OR7E24: variants seen among roughly 807,000 people sequenced by gnomAD.
OR7E24 encodes olfactory receptor family 7 subfamily E member 24.
For synonymous variants in OR7E24, 130 were observed against 157.5 expected (o/e 0.83, Z 1.31); for missense variants, 385 against 410.3 (o/e 0.94, Z 0.53).
At chr19:9,249,538 A>T (rs2066139394), upstream of OR7E24, among the ~76,000 whole-genome samples, 1 of 152,212 alleles carries the variant, frequency 6.6e-6, no homozygotes, top group African/African-American at 2.4e-5. Context: ...TTTTACAGGC[A>T]TAAAAAAAGA....
At chr19:9,217,583 G>C in the OR7E24 span, among the ~76,000 whole-genome samples, 1 of 152,166 alleles carries the variant, frequency 6.6e-6, no homozygotes, top group Non-Finnish European at 1.5e-5. Context: ...CTGTTGCCCA[G>C]GCTGGAGTAT....
the OR7E24 span, chr19:9,207,659 GAGA>G: frequency 6.6e-6 from 1 of 152,330 alleles, no homozygotes; most frequent in South Asian, 2.1e-4. Context: ...GTAGCTAGGA[GAGA>G]AGATTTGTAT....
At chr19:9,223,279 C>T in the OR7E24 span, among the ~76,000 whole-genome samples, 4 of 152,228 alleles carry the variant, frequency 2.6e-5, no homozygotes, top group African/African-American at 9.6e-5. Context: ...CGAAGCAGCA[C>T]CAGCTCAATG....
rs1037911000 is a variant in OR7E24, at chr19:9,252,426, A to G, written c.*363A>G. The stretch of plus-strand genomic sequence containing the variant: ...TCCTGAAATAAGTTCATTTTGTTCA[A>G]TGTTGTTTAGTTTTAATTTTGGTGA... On this transcript the variant is annotated 3_prime_UTR_variant, in exon 1 of 1. Transcript: ENST00000456448. 6.0e-6 allele frequency: 1 copy of G among 166,040 alleles called. No homozygotes were observed. Among genetic ancestry groups the G allele is most frequent in the South Asian group, 1.7e-4 (1 of 5,912 alleles). The allele number at this position is 166,040 out of a possible 1,614,324, so 10.3% of individuals were successfully genotyped here.
At chr19:9,245,156 A>G (rs1237443206), upstream of OR7E24, among the ~76,000 whole-genome samples, 1 of 152,146 alleles carries the variant, frequency 6.6e-6, no homozygotes, top group Non-Finnish European at 1.5e-5. Context: ...TGAAGTTTGC[A>G]GTGAGCCAAG....
At chr19:9,232,989 G>A in the OR7E24 span, among the ~76,000 whole-genome samples, 109 of 151,992 alleles carry the variant, frequency 7.2e-4, 1 homozygote, top group African/African-American at 2.5e-3. Flanking sequence ...CTCACGCTCT[G>A]ACCCCCCTAA....
At chr19:9,235,439 C>T in the OR7E24 span, 1 of 1,606,442 alleles carries the variant, frequency 6.2e-7, no homozygotes, top group Non-Finnish European at 8.5e-7. Context: ...GGGTGCCTCA[C>T]TCAGGTGTAT....
At chr19:9,218,062 T>G in the OR7E24 span, among the ~76,000 whole-genome samples, 25 of 152,242 alleles carry the variant, frequency 1.6e-4, no homozygotes, top group African/African-American at 6.0e-4. Flanking sequence ...GGTCAACTTA[T>G]ATTTAGTTTT....
upstream of OR7E24, among the ~76,000 whole-genome samples, chr19:9,242,647 G>A (rs2066119344): frequency 6.6e-6 from 1 of 152,174 alleles, no homozygotes; most frequent in Non-Finnish European, 1.5e-5. Context: ...TTGACGTTGA[G>A]ACCACACTCC....
the OR7E24 span, among the ~76,000 whole-genome samples, chr19:9,224,272 G>T: frequency 6.6e-6 from 1 of 152,066 alleles, no homozygotes; most frequent in Non-Finnish European, 1.5e-5. Flanking sequence ...GACTTAGTAG[G>T]GCCCATAGAA....
chr19:9,229,473 T>C, the OR7E24 span, among the ~76,000 whole-genome samples: 1 of 151,182 alleles, frequency 6.6e-6, no homozygotes, highest in Non-Finnish European at 1.5e-5. Context: ...AGGCAGAGGT[T>C]GCAGTGAGCC....
At chr19:9,225,720 C>T in the OR7E24 span, among the ~76,000 whole-genome samples, 1 of 152,204 alleles carries the variant, frequency 6.6e-6, no homozygotes, top group South Asian at 2.1e-4. Context: ...AAAAGTTTAT[C>T]CAAATGGCTG....
At chr19:9,207,115 T>G in the OR7E24 span, 6 of 152,342 alleles carry the variant, frequency 3.9e-5, no homozygotes, top group Non-Finnish European at 7.3e-5. Flanking sequence ...ATATACAGAT[T>G]GTCATTATGC....
At chr19:9,242,541 C>T (rs979491890), upstream of OR7E24, among the ~76,000 whole-genome samples, 1 of 152,176 alleles carries the variant, frequency 6.6e-6, no homozygotes, top group Non-Finnish European at 1.5e-5. Context: ...TGAGCCACCA[C>T]AGTTGGCCCT....
upstream of OR7E24, among the ~76,000 whole-genome samples, chr19:9,246,426 G>A (rs2144937445): frequency 6.7e-6 from 1 of 149,668 alleles, no homozygotes; most frequent in Non-Finnish European, 1.5e-5. Context: ...TATCTACATT[G>A]CCATTTACGT....
chr19:9,234,155 G>T, the OR7E24 span, among the ~76,000 whole-genome samples: 1 of 152,112 alleles, frequency 6.6e-6, no homozygotes, highest in Non-Finnish European at 1.5e-5. Context: ...GCTCACCTCG[G>T]CCTCCCAAGG....
chr19:9,216,526 C>G, the OR7E24 span, among the ~76,000 whole-genome samples: 1 of 152,168 alleles, frequency 6.6e-6, no homozygotes, highest in African/African-American at 2.4e-5. Context: ...ATGAGATTAT[C>G]CATGTCATTT....
the OR7E24 span, chr19:9,235,806 T>C: frequency 3.9e-3 from 6,204 of 1,611,148 alleles, 156 homozygotes; most frequent in African/African-American, 0.069. Context: ...ACTCTCAGAT[T>C]GTCTCCTCCT....
At chr19:9,217,570 G>A in the OR7E24 span, among the ~76,000 whole-genome samples, 4 of 152,150 alleles carry the variant, frequency 2.6e-5, no homozygotes, top group South Asian at 2.1e-4. Flanking sequence ...ATGGAATCTC[G>A]ATCTGTTGCC....
Sources: gnomAD v4.1 joint callset for allele counts (sites outside exome capture counted in the v4.1 genomes callset) on GRCh38, gnomAD v4.1.1 for gene constraint, MANE v1.5 for transcripts, NCBI Gene and HGNC (gene_info 2026-07-23, HGNC 2026-07-21) for gene names.